Variants in CABLES1 observed in about 807,000 individuals in gnomAD.
CABLES1 encodes the protein Cdk5 and Abl enzyme substrate 1.
In CABLES1, 36 loss-of-function variants were observed where a neutral mutation model predicts 57.8. That is an observed-to-expected ratio of 0.62 (90% confidence interval 0.48 to 0.82). The LOEUF (loss-of-function observed/expected upper bound fraction) is 0.82. CABLES1 is among the 40% of genes least tolerant of loss of function. The pLI, the probability that CABLES1 is intolerant of heterozygous loss-of-function variation, is 0.00. For missense variants in CABLES1, 767 were observed against 836.6 expected (o/e 0.92, Z 1.03); for synonymous variants, 374 against 363.0 (o/e 1.03, Z -0.35).
rs73968408 is a variant in CABLES1 at position 23,210,131 on chromosome 18, A to G, written c.1011-3846A>G. On this transcript the variant is annotated intron_variant, in intron 3 of 9. Coordinates refer to ENST00000256925, the MANE Select transcript of CABLES1 (RefSeq NM_001100619.3). ...CCAAGATGCTTTGTCCATGTGGGCTATAGCCCCAGGGAATGTTTTCCTTTG... is the reference window on the plus strand; with the variant it reads ...CCAAGATGCTTTGTCCATGTGGGCTGTAGCCCCAGGGAATGTTTTCCTTTG... 7.5e-3 allele frequency among the ~76,000 whole-genome samples: 1,080 copies of G among 144,666 alleles called. 11 individuals carry two copies. Among genetic ancestry groups the G allele is most frequent in the African/African-American group, 0.026 (1,021 of 38,978 alleles). The allele number at this position is 144,666 out of a possible 152,430, so 94.9% of individuals were successfully genotyped here.
chr18:23,246,977 G>A (rs1175590341), intron 7 of CABLES1, among the ~76,000 whole-genome samples: 1 of 152,238 alleles, frequency 6.6e-6, no homozygotes, highest in African/African-American at 2.4e-5. Context: ...ACAGGTAAGA[G>A]CCACCATGCC....
chr18:23,239,561 G>T lies in CABLES1; in HGVS notation c.1446+2316G>T, dbSNP rs577464219. 5.9e-5 allele frequency among the ~76,000 whole-genome samples: 9 copies of T among 152,340 alleles called. No individual in the cohort carries two copies. The South Asian group carries it at 1.7e-3, about 28-fold the overall frequency. On this transcript the variant is annotated intron_variant, in intron 7 of 9. Coordinates refer to ENST00000256925, the MANE Select transcript of CABLES1 (RefSeq NM_001100619.3). ...TTTCTCATGCATTTGCATTGAACTT[G>T]TAGGAAACAGAGTGGGGCAGTTGGG...
At chr18:23,164,115 A>G (rs529654058) in intron 1 of CABLES1, among the ~76,000 whole-genome samples, 19 of 152,314 alleles carry the variant, frequency 1.2e-4, no homozygotes, top group Non-Finnish European at 2.2e-4. Context: ...ACCCCTTTGT[A>G]AAGAAGTATA....
chr18:23,184,308 CGTGTGTGTGTGTGTGTGTGTGTGT>C (rs61158856), intron 1 of CABLES1, among the ~76,000 whole-genome samples: 2 of 146,326 alleles, frequency 1.4e-5, no homozygotes, highest in Admixed American at 6.8e-5. Context: ...CATACTGGCA[CGTGTGTGTGTGTGTGTGTGTGTGT>C]GTGTGTGTGT....
intron 3 of CABLES1, among the ~76,000 whole-genome samples, chr18:23,209,192 G>C (rs1453344289): frequency 6.6e-6 from 1 of 152,208 alleles, no homozygotes; most frequent in Non-Finnish European, 1.5e-5. Flanking sequence ...TCTGGGACAT[G>C]AGTCAGCCCT....
chr18:23,214,298 C>T, intron 4 of CABLES1: 1 of 422,856 alleles, frequency 2.4e-6, no homozygotes. Flanking sequence ...CATTTTGTTA[C>T]CTTATCCAAT....
intron 3 of CABLES1, among the ~76,000 whole-genome samples, chr18:23,202,024 G>A (rs1013095237): frequency 5.9e-5 from 9 of 151,436 alleles, no homozygotes; most frequent in Middle Eastern, 6.8e-3. Context: ...AGGAAAGCCC[G>A]CATGGTGGAG....
At chr18:23,139,276 C>T (rs980341308) in intron 1 of CABLES1, among the ~76,000 whole-genome samples, 7 of 151,542 alleles carry the variant, frequency 4.6e-5, no homozygotes, top group African/African-American at 1.7e-4. Flanking sequence ...ATTGTTGTGC[C>T]CCTGTAATCC....
At chr18:23,179,283 A>G (rs1444596022) in intron 1 of CABLES1, among the ~76,000 whole-genome samples, 1 of 152,176 alleles carries the variant, frequency 6.6e-6, no homozygotes, top group African/African-American at 2.4e-5. Flanking sequence ...CTCCGTCTAA[A>G]AAAATAAAGA....
At chr18:23,145,643 C>G (rs1855499403) in intron 1 of CABLES1, among the ~76,000 whole-genome samples, 1 of 152,196 alleles carries the variant, frequency 6.6e-6, no homozygotes, top group Admixed American at 6.6e-5. Context: ...CTTAGTATTA[C>G]ATACGGGAAT....
chr18:23,196,517 T>C (rs188088390), intron 3 of CABLES1, among the ~76,000 whole-genome samples: 1 of 152,262 alleles, frequency 6.6e-6, no homozygotes, highest in Admixed American at 6.5e-5. Context: ...AAGGAAATTG[T>C]AGTCGAGAGC....
intron 1 of CABLES1, among the ~76,000 whole-genome samples, chr18:23,144,037 T>C (rs1598796086): frequency 6.6e-6 from 1 of 152,192 alleles, no homozygotes; most frequent in East Asian, 1.9e-4. Context: ...TGCCCCAGGC[T>C]CTGGCACTCT....
upstream of CABLES1, among the ~76,000 whole-genome samples, chr18:23,135,298 G>T (rs1156640811): frequency 6.6e-6 from 1 of 152,162 alleles, no homozygotes; most frequent in Non-Finnish European, 1.5e-5. Flanking sequence ...CGGCTCTCGC[G>T]TCCTCCTCTT....
At chr18:23,227,356 G>C (rs2047535361) in intron 4 of CABLES1, among the ~76,000 whole-genome samples, 1 of 152,126 alleles carries the variant, frequency 6.6e-6, no homozygotes, top group African/African-American at 2.4e-5. Flanking sequence ...ACAGATTCTG[G>C]AATGATCTCA....
chr18:23,198,772 C>T (rs2047302927), intron 3 of CABLES1, among the ~76,000 whole-genome samples: 1 of 152,218 alleles, frequency 6.6e-6, no homozygotes, highest in Non-Finnish European at 1.5e-5. Context: ...ACCAATTCTC[C>T]CTACAGCCTC....
At chr18:23,160,003 A>G (rs942856348) in intron 1 of CABLES1, among the ~76,000 whole-genome samples, 43 of 151,730 alleles carry the variant, frequency 2.8e-4, no homozygotes, top group African/African-American at 1.0e-3. Flanking sequence ...ATAAGATAAA[A>G]TTATCCAAAT....
chr18:23,209,805 A>ACAT (rs1400814747), intron 3 of CABLES1, among the ~76,000 whole-genome samples: 9 of 152,014 alleles, frequency 5.9e-5, no homozygotes, highest in South Asian at 2.1e-4. Flanking sequence ...CTGGTGAGAG[A>ACAT]CATTGCCAGT....
At chr18:23,161,329 G>A (rs1239759855) in intron 1 of CABLES1, among the ~76,000 whole-genome samples, 1 of 151,850 alleles carries the variant, frequency 6.6e-6, no homozygotes, top group African/African-American at 2.4e-5. Flanking sequence ...TGTTTTGTGG[G>A]TGCTGTGTTC....
At chr18:23,178,103 G>A (rs1426751153) in intron 1 of CABLES1, among the ~76,000 whole-genome samples, 1 of 152,096 alleles carries the variant, frequency 6.6e-6, no homozygotes, top group Non-Finnish European at 1.5e-5. Context: ...ATCCTGTCCT[G>A]GCTGGGCCCC....
Sources: allele counts gnomAD v4.1 joint callset (sites outside exome capture counted in the v4.1 genomes callset), GRCh38; gene constraint gnomAD v4.1.1; transcripts MANE v1.5; gene names NCBI Gene and HGNC (gene_info 2026-07-23, HGNC 2026-07-21).